KCNMB4: variants seen among roughly 807,000 people sequenced by gnomAD.
KCNMB4 encodes the protein potassium calcium-activated channel subfamily M regulatory beta subunit 4.
Under a neutral mutation model 20.7 loss-of-function variants are expected in KCNMB4, and 3 were observed. The observed-to-expected ratio is 0.14, with a 90% CI of 0.07 to 0.37. The LOEUF is 0.37. Among genes scored for constraint, KCNMB4 ranks in the 10% least tolerant of loss-of-function variants. The probability of loss-of-function intolerance (pLI) is 1.00; values close to 1 mark genes in which losing one functional copy is unlikely to be tolerated. For missense variants in KCNMB4, 168 were observed against 265.9 expected (o/e 0.63, Z 2.56); for synonymous variants, 110 against 113.4 (o/e 0.97, Z 0.19).
rs958768434 is a variant in KCNMB4, at chr12:70,432,244, A to T, written c.*1591A>T. The T allele has an allele frequency of 6.6e-5, 10 of 151,978 alleles. No homozygotes were observed. The highest frequency in any genetic ancestry group is 1.9e-4 in the African/African-American group (8 of 41,328). 9.4% of individuals were successfully genotyped at this position (151,978 alleles called of 1,614,324 possible). ...ACGGGGTTTCACCGTGTTAGCCAGG[A>T]TGGTCTCAATCTCCTGACCTTGTGA... On this transcript the variant is annotated 3_prime_UTR_variant, in exon 3 of 3. Coordinates refer to ENST00000258111, the MANE Select transcript of KCNMB4 (RefSeq NM_014505.6).
At chr12:70,370,711 T>C (rs2136113583) in intron 1 of KCNMB4, among the ~76,000 whole-genome samples, 1 of 150,602 alleles carries the variant, frequency 6.6e-6, no homozygotes, top group African/African-American at 2.5e-5. Context: ...CCAATAAGTT[T>C]AAATGAAATG....
intron 1 of KCNMB4, among the ~76,000 whole-genome samples, chr12:70,373,837 T>C (rs117380961): frequency 3.4e-4 from 52 of 152,236 alleles, no homozygotes; most frequent in Non-Finnish European, 3.5e-4. Context: ...ATCAAGGAAA[T>C]TGGCTGGTCA....
chr12:70,400,378 ACT>A, intron 2 of KCNMB4, 42 bp downstream of exon 2: 1 of 1,576,386 alleles, frequency 6.3e-7, no homozygotes, highest in South Asian at 1.2e-5. Flanking sequence ...TTGTTTGTAG[ACT>A]CTGCAGCTTA....
intron 1 of KCNMB4, among the ~76,000 whole-genome samples, chr12:70,397,679 A>T (rs1471642659): frequency 6.6e-6 from 1 of 152,226 alleles, no homozygotes; most frequent in Non-Finnish European, 1.5e-5. Flanking sequence ...GTCAAATCTT[A>T]GGTTATCATT....
intron 1 of KCNMB4, among the ~76,000 whole-genome samples, chr12:70,385,393 C>T (rs1161067682): frequency 6.6e-6 from 1 of 152,198 alleles, no homozygotes. Context: ...CTAGCTTTAT[C>T]TCCCATGTCC....
chr12:70,366,536 G>C lies in KCNMB4; in HGVS notation c.-199G>C, dbSNP rs546679597. 6.2e-6 allele frequency: 1 copy of C among 161,238 alleles called. No individual in the cohort carries two copies. The highest frequency in any genetic ancestry group is 2.0e-4 in the South Asian group (1 of 4,998). The allele number at this position is 161,238 out of a possible 1,614,324, so 10.0% of individuals were successfully genotyped here. A position where few individuals can be genotyped will look rare whatever the true frequency, so the allele number is the denominator to read the frequency against. Reference sequence around the variant, plus strand: ...CAGGCGGCGGCTGGGGGGCTGGGGGGCGCTGCCGCCGCCGCCGCCGGGGGC... The same window carrying C: ...CAGGCGGCGGCTGGGGGGCTGGGGGCCGCTGCCGCCGCCGCCGCCGGGGGC... On this transcript the variant is annotated 5_prime_UTR_variant, in exon 1 of 3. Transcript: ENST00000258111.
intron 2 of KCNMB4, among the ~76,000 whole-genome samples, chr12:70,409,534 A>T (rs576182232): frequency 6.6e-6 from 1 of 152,310 alleles, no homozygotes; most frequent in South Asian, 2.1e-4. Context: ...CAACAAGAAA[A>T]CAACAACAAA....
At chr12:70,413,933 T>C (rs1445905883) in intron 2 of KCNMB4, among the ~76,000 whole-genome samples, 1 of 152,178 alleles carries the variant, frequency 6.6e-6, no homozygotes, top group African/African-American at 2.4e-5. Flanking sequence ...AGTTTCTGTC[T>C]GGTGAGATTT....
chr12:70,433,522 AT>A lies in KCNMB4; in HGVS notation c.*2870del, dbSNP rs1869421420. ...ACTTCTGCCCACCGTCCATTCATGA[AT>A]ACTTACTATATAGCTATACCTAGCT... On this transcript the variant is annotated 3_prime_UTR_variant, in exon 3 of 3. Coordinates refer to ENST00000258111, the MANE Select transcript of KCNMB4 (RefSeq NM_014505.6). The A allele has an allele frequency of 6.6e-6, 1 of 152,240 alleles. No individual in the cohort carries two copies. Among genetic ancestry groups the A allele is most frequent in the African/African-American group, 2.4e-5 (1 of 41,462 alleles). The allele number at this position is 152,240 out of a possible 1,614,324, so 9.4% of individuals were successfully genotyped here.
chr12:70,403,790 ATTGT>A (rs1868522288), intron 2 of KCNMB4, among the ~76,000 whole-genome samples: 1 of 152,196 alleles, frequency 6.6e-6, no homozygotes, highest in South Asian at 2.1e-4. Context: ...CATTACTGGA[ATTGT>A]TTGTATGCCC....
At chr12:70,397,071 T>C in intron 1 of KCNMB4, among the ~76,000 whole-genome samples, 1 of 152,130 alleles carries the variant, frequency 6.6e-6, no homozygotes, top group Middle Eastern at 3.2e-3. Flanking sequence ...AAATGTAGCT[T>C]TTCAGACCAG....
chr12:70,414,529 G>A (rs1036704811), intron 2 of KCNMB4, among the ~76,000 whole-genome samples: 1 of 152,172 alleles, frequency 6.6e-6, no homozygotes, highest in Non-Finnish European at 1.5e-5. Flanking sequence ...GAACAGATTT[G>A]TTCTCATCAT....
At chr12:70,382,859 T>C (rs1336226538) in intron 1 of KCNMB4, among the ~76,000 whole-genome samples, 1 of 151,646 alleles carries the variant, frequency 6.6e-6, no homozygotes, top group African/African-American at 2.4e-5. Flanking sequence ...ATACAGTCGT[T>C]CATTGTTTAA....
chr12:70,367,455 C>T (rs530172108), intron 1 of KCNMB4, among the ~76,000 whole-genome samples: 1 of 152,294 alleles, frequency 6.6e-6, no homozygotes, highest in African/African-American at 2.4e-5. Flanking sequence ...CTCCAGCTCA[C>T]GGTCAAGGTC....
At chr12:70,370,308 TTTTTTTG>T (rs928628970) in intron 1 of KCNMB4, among the ~76,000 whole-genome samples, 1 of 36,960 alleles carries the variant, frequency 2.7e-5, no homozygotes, top group African/African-American at 2.7e-4. Context: ...TTTTTTTTTG[TTTTTTTG>T]TTTTTTTTTT....
intron 2 of KCNMB4, among the ~76,000 whole-genome samples, chr12:70,428,379 T>A (rs948817690): frequency 6.6e-6 from 1 of 152,188 alleles, no homozygotes; most frequent in Non-Finnish European, 1.5e-5. Flanking sequence ...GATGAAGAAT[T>A]TAAGACTCAT....
chr12:70,409,669 G>T (rs1158292691), intron 2 of KCNMB4, among the ~76,000 whole-genome samples: 4 of 152,216 alleles, frequency 2.6e-5, no homozygotes, highest in African/African-American at 9.6e-5. Context: ...ATTACGGCAT[G>T]ATGGGGAATT....
At chr12:70,370,251 T>C (rs1883566289) in intron 1 of KCNMB4, among the ~76,000 whole-genome samples, 1 of 152,160 alleles carries the variant, frequency 6.6e-6, no homozygotes, top group South Asian at 2.1e-4. Context: ...TGATTAATAT[T>C]TGTGTTTTCA....
At chr12:70,422,863 TTTA>T in intron 2 of KCNMB4, 2 of 1,187,916 alleles carry the variant, frequency 1.7e-6, no homozygotes. Flanking sequence ...AGTAAAACCT[TTTA>T]AAAAGTCTAT....
Sources: gnomAD v4.1 joint callset for allele counts (sites outside exome capture counted in the v4.1 genomes callset) on GRCh38, gnomAD v4.1.1 for gene constraint, MANE v1.5 for transcripts, NCBI Gene and HGNC (gene_info 2026-07-23, HGNC 2026-07-21) for gene names.